CDIN1: variants seen among roughly 807,000 people sequenced by gnomAD.
The protein encoded by CDIN1 is CDAN1 interacting nuclease 1.
A neutral mutation model predicts 45.3 loss-of-function variants in CDIN1; 33 were observed. The ratio of observed to expected loss-of-function variants is 0.73; its 90% CI spans 0.55 to 0.97. The LOEUF (loss-of-function observed/expected upper bound fraction) is 0.97, where lower values mean the gene tolerates loss of function less well. Ranked by LOEUF, CDIN1 falls within the 50% of genes least tolerant of loss-of-function variation. CDIN1 has a pLI of 0.00. For missense variants in CDIN1, 303 were observed against 339.4 expected (o/e 0.89, Z 0.84); for synonymous variants, 118 against 124.4 (o/e 0.95, Z 0.34).
chr15:36,651,841 A>T (rs939674422), intron 3 of CDIN1, among the ~76,000 whole-genome samples: 1 of 152,204 alleles, frequency 6.6e-6, no homozygotes, highest in Admixed American at 6.5e-5. Flanking sequence ...CATGCTTTTA[A>T]TATTATCCAG....
intron 1 of CDIN1, among the ~76,000 whole-genome samples, chr15:36,604,434 C>CACACACACACACACAA (rs2038262764): frequency 6.6e-6 from 1 of 151,074 alleles, no homozygotes; most frequent in Non-Finnish European, 1.5e-5. Context: ...CACACACACA[C>CACACACACACACACAA]ACACACACAC....
chr15:36,758,452 C>G (rs1280937346), intron 10 of CDIN1, among the ~76,000 whole-genome samples: 1 of 152,116 alleles, frequency 6.6e-6, no homozygotes, highest in Non-Finnish European at 1.5e-5. Flanking sequence ...TTTCCTCATT[C>G]ATAAGATGAG....
intron 1 of CDIN1, among the ~76,000 whole-genome samples, 155 bp downstream of exon 1, chr15:36,580,116 T>C (rs1218575105): frequency 6.6e-6 from 1 of 152,212 alleles, no homozygotes; most frequent in Non-Finnish European, 1.5e-5. Flanking sequence ...AAAGGTTTAT[T>C]CTTTCACTCG....
chr15:36,619,303 T>C (rs2039041877), intron 1 of CDIN1: 2 of 848,174 alleles, frequency 2.4e-6, no homozygotes, highest in Non-Finnish European at 3.4e-6. Context: ...CTTCTCTCTC[T>C]TCCCGTTAAA....
intron 1 of CDIN1, among the ~76,000 whole-genome samples, chr15:36,602,696 G>T (rs1331844138): frequency 6.6e-6 from 1 of 152,218 alleles, no homozygotes; most frequent in East Asian, 1.9e-4. Context: ...AGTTGGGCTG[G>T]GCGCAGTGGC....
intron 5 of CDIN1, among the ~76,000 whole-genome samples, chr15:36,664,697 C>T (rs1216247124): frequency 3.9e-5 from 6 of 152,164 alleles, no homozygotes; most frequent in Non-Finnish European, 7.3e-5. Flanking sequence ...CAGGCGCCCA[C>T]CACCACGCTT....
chr15:36,579,917 G>C lies in CDIN1; in HGVS notation c.57G>C (p.Pro19=), dbSNP rs761647379. 8.1e-6 allele frequency: 13 copies of C among 1,613,800 alleles called. No individual in the cohort carries two copies. The highest frequency in any genetic ancestry group is 1.7e-6 in the Non-Finnish European group (2 of 1,179,880). Reference sequence around the variant, plus strand: ...TAGCCCAGTGCCTAGTGTCTGTGCCGCCTACCAGGCAGAGCCTGAGGAAGC... The same window carrying C: ...TAGCCCAGTGCCTAGTGTCTGTGCCCCCTACCAGGCAGAGCCTGAGGAAGC... ...DEIAQCLVSV[P]PTRQSLRKLK... Residue 19 remains proline, a synonymous_variant, in exon 1 of 11, where the codon CCG becomes CCC. Coordinates refer to ENST00000566621, the MANE Select transcript of CDIN1 (RefSeq NM_001321759.2).
chr15:36,724,569 G>A (rs2043552837), intron 10 of CDIN1, among the ~76,000 whole-genome samples: 1 of 152,154 alleles, frequency 6.6e-6, no homozygotes, highest in Non-Finnish European at 1.5e-5. Flanking sequence ...GGAGAGGAAT[G>A]TGAGTGATGG....
chr15:36,755,490 A>G (rs2053586975), intron 10 of CDIN1, among the ~76,000 whole-genome samples: 1 of 152,068 alleles, frequency 6.6e-6, no homozygotes, highest in African/African-American at 2.4e-5. Flanking sequence ...GCTGAAGAGT[A>G]CTCATTTTTA....
intron 5 of CDIN1, among the ~76,000 whole-genome samples, chr15:36,681,750 T>C (rs2140623982): frequency 6.6e-6 from 1 of 152,142 alleles, no homozygotes; most frequent in African/African-American, 2.4e-5. Flanking sequence ...ATCTCCAGAG[T>C]TGAATTAAAA....
chr15:36,626,476 C>G (rs1310503484), intron 1 of CDIN1, among the ~76,000 whole-genome samples: 3 of 151,952 alleles, frequency 2.0e-5, no homozygotes, highest in African/African-American at 7.3e-5. Flanking sequence ...TGCTTTCCAC[C>G]GTAGGGTATC....
At chr15:36,584,141 G>A (rs553625107) in intron 1 of CDIN1, among the ~76,000 whole-genome samples, 16 of 152,340 alleles carry the variant, frequency 1.1e-4, no homozygotes, top group South Asian at 1.0e-3. Flanking sequence ...GAGTGATGGT[G>A]GTCATAGTGG....
intron 10 of CDIN1, chr15:36,755,932 T>G (rs2053598918): frequency 2.5e-6 from 1 of 392,292 alleles, no homozygotes; most frequent in African/African-American, 2.1e-5. Flanking sequence ...GAGGGTGTTG[T>G]GTTAAAACAG....
intron 10 of CDIN1, among the ~76,000 whole-genome samples, chr15:36,767,628 TGA>T (rs1407905991): frequency 5.9e-5 from 9 of 152,210 alleles, no homozygotes; most frequent in Non-Finnish European, 1.2e-4. Context: ...AAGCTTCACA[TGA>T]GTAATTGGAC....
chr15:36,732,754 T>C (rs1479179636), intron 10 of CDIN1, among the ~76,000 whole-genome samples: 1 of 152,110 alleles, frequency 6.6e-6, no homozygotes, highest in Non-Finnish European at 1.5e-5. Context: ...AGGGGAATTA[T>C]CTAAAAGTAC....
At chr15:36,795,420 A>G (rs1021630981) in intron 10 of CDIN1, among the ~76,000 whole-genome samples, 2 of 152,224 alleles carry the variant, frequency 1.3e-5, no homozygotes, top group Non-Finnish European at 2.9e-5. Context: ...CAATAAAAGT[A>G]ATAAAAATGT....
chr15:36,586,770 A>G (rs148763164), intron 1 of CDIN1, among the ~76,000 whole-genome samples: 1 of 152,318 alleles, frequency 6.6e-6, no homozygotes, highest in East Asian at 1.9e-4. Context: ...CATATTTCTA[A>G]AAACAAAATA....
At chr15:36,795,716 TTTTA>T (rs1240096134) in intron 10 of CDIN1, among the ~76,000 whole-genome samples, 3 of 151,792 alleles carry the variant, frequency 2.0e-5, no homozygotes, top group African/African-American at 7.2e-5. Context: ...TATTTATTAT[TTTTA>T]TTTATATAGT....
intron 1 of CDIN1, chr15:36,618,620 A>G (rs2039007514): frequency 3.7e-6 from 3 of 820,966 alleles, no homozygotes; most frequent in Non-Finnish European, 6.6e-6. Flanking sequence ...GGTGTCTACA[A>G]AGAAAAGGAT....
Sources: allele counts gnomAD v4.1 joint callset (sites outside exome capture counted in the v4.1 genomes callset), GRCh38; gene constraint gnomAD v4.1.1; transcripts MANE v1.5; gene names NCBI Gene and HGNC (gene_info 2026-07-23, HGNC 2026-07-21).